The following KANK1 variants were observed in gnomAD, a reference collection of about 807,000 sequenced individuals.
KANK1 encodes KN motif and ankyrin repeat domains 1.
KANK1 carries 109 observed loss-of-function variants against 106.2 expected under a neutral mutation model. That is an observed-to-expected ratio of 1.03 (90% CI 0.88 to 1.20). KANK1 has a LOEUF of 1.20. Ranked by LOEUF, KANK1 falls within the 50% of genes most tolerant of loss-of-function variation. The pLI is 0.00. For synonymous variants in KANK1, 873 were observed against 652.2 expected, an observed-to-expected ratio of 1.34 and a Z score of -5.16; for missense variants, 2,399 against 1,710.7, an observed-to-expected ratio of 1.40 and a Z score of -7.10.
At chr9:597,531 C>G (rs1826517631) in intron 1 of KANK1, among the ~76,000 whole-genome samples, 1 of 151,632 alleles carries the variant, frequency 6.6e-6, no homozygotes, top group African/African-American at 2.4e-5. Context: ...CTGTTGAAGT[C>G]CTTTGCCCAT....
intron 1 of KANK1, among the ~76,000 whole-genome samples, chr9:623,852 T>C (rs1192175527): frequency 2.0e-5 from 3 of 151,918 alleles, no homozygotes; most frequent in Non-Finnish European, 4.4e-5. Flanking sequence ...AAATCAACTA[T>C]ATGATCCAGC....
At chr9:537,509 G>T (rs991820755) in intron 1 of KANK1, among the ~76,000 whole-genome samples, 2 of 152,136 alleles carry the variant, frequency 1.3e-5, no homozygotes, top group Non-Finnish European at 2.9e-5. Flanking sequence ...AAGTAATTTG[G>T]GGGGGCTCTT....
At chr9:701,783 G>C (rs983021538) in intron 2 of KANK1, among the ~76,000 whole-genome samples, 7 of 152,130 alleles carry the variant, frequency 4.6e-5, no homozygotes, top group Admixed American at 1.3e-4. Context: ...CTTCTTCCTG[G>C]TGAGTACGTT....
intron 3 of KANK1, among the ~76,000 whole-genome samples, chr9:728,294 T>TTCGAGCCATTCTCCTGCC (rs1326131380): frequency 6.6e-6 from 1 of 151,858 alleles, no homozygotes; most frequent in Non-Finnish European, 1.5e-5. Flanking sequence ...CACCTCCGGG[T>TTCGAGCCATTCTCCTGCC]TCGAGCCATT....
intron 1 of KANK1, among the ~76,000 whole-genome samples, chr9:568,404 C>T (rs1818335586): frequency 6.6e-6 from 1 of 152,090 alleles, no homozygotes. Flanking sequence ...GAAATTTTTA[C>T]AGTAGTGAGG....
upstream of KANK1, among the ~76,000 whole-genome samples, chr9:503,595 G>T (rs777233300): frequency 3.3e-5 from 5 of 152,202 alleles, no homozygotes; most frequent in Non-Finnish European, 7.3e-5. Flanking sequence ...GTAACGCCCT[G>T]CTGGATGTGT....
At chr9:479,293 A>G (rs563844891) in intron 3 of KANK1, among the ~76,000 whole-genome samples, 4 of 152,166 alleles carry the variant, frequency 2.6e-5, no homozygotes, top group Non-Finnish European at 5.9e-5. Context: ...TTCCAACTCA[A>G]CTGAAGAAAA....
At chr9:642,004 C>G (rs1036453045) in intron 1 of KANK1, among the ~76,000 whole-genome samples, 1 of 152,118 alleles carries the variant, frequency 6.6e-6, no homozygotes, top group African/African-American at 2.4e-5. Flanking sequence ...CACCACACAC[C>G]CCCCAGCACT....
chr9:714,582 T>A (rs1827178656), intron 3 of KANK1, among the ~76,000 whole-genome samples: 1 of 152,038 alleles, frequency 6.6e-6, no homozygotes, highest in African/African-American at 2.4e-5. Flanking sequence ...GATCTTGAAC[T>A]CCTGACCTCA....
At position 579,578 on chromosome 9, in the gene KANK1, C is replaced by T. The variant is rs183511430; in HGVS notation, c.-84+74824C>T. Among the ~76,000 whole-genome samples, 66 of 152,168 alleles carry T rather than the reference C, an allele frequency of 4.3e-4. No individual in the cohort carries two copies. In the Middle Eastern group the frequency reaches 0.014, roughly 31 times the overall value. On this transcript the variant is annotated intron_variant, in intron 1 of 11. Transcript: ENST00000382297. ...CAGCTCCTCAGCCCCAATTTTAAAACCCTAGGGGAGAAGCATCTTCTCAGC... is the reference window on the plus strand; with the variant it reads ...CAGCTCCTCAGCCCCAATTTTAAAATCCTAGGGGAGAAGCATCTTCTCAGC...
At chr9:635,034 C>G (rs753508211) in intron 1 of KANK1, among the ~76,000 whole-genome samples, 17 of 152,166 alleles carry the variant, frequency 1.1e-4, no homozygotes, top group Non-Finnish European at 2.1e-4. Flanking sequence ...TTACATTTCA[C>G]TGACCAAAAA....
intron 1 of KANK1, among the ~76,000 whole-genome samples, chr9:578,906 G>A (rs1376856610): frequency 1.3e-5 from 2 of 152,176 alleles, no homozygotes; most frequent in Non-Finnish European, 2.9e-5. Flanking sequence ...GCTTATCCAT[G>A]GGGAGGGGAT....
chr9:677,895 T>C (rs537068750), intron 2 of KANK1, among the ~76,000 whole-genome samples: 43 of 152,334 alleles, frequency 2.8e-4, no homozygotes, highest in Middle Eastern at 3.4e-3. Flanking sequence ...TGGGCAGGGC[T>C]ATTTCTCCAC....
At chr9:518,400 G>A (rs113764331) in intron 1 of KANK1, among the ~76,000 whole-genome samples, 10,550 of 146,232 alleles carry the variant, frequency 0.072, 1,465 homozygotes, top group African/African-American at 0.25. Context: ...ACCCCCAGTG[G>A]CCCAGGGCAG....
At chr9:561,792 TCAGTCTTA>T (rs1160390469) in intron 1 of KANK1, among the ~76,000 whole-genome samples, 1 of 152,208 alleles carries the variant, frequency 6.6e-6, no homozygotes, top group African/African-American at 2.4e-5. Context: ...CTTTCACATT[TCAGTCTTA>T]CTATGTAAGT....
At chr9:590,235 A>G (rs1170622783) in intron 1 of KANK1, among the ~76,000 whole-genome samples, 3 of 152,192 alleles carry the variant, frequency 2.0e-5, no homozygotes, top group African/African-American at 7.2e-5. Context: ...CCGAGTAGCA[A>G]TAGTTTTGTT....
At chr9:523,546 A>G (rs570874555) in intron 1 of KANK1, among the ~76,000 whole-genome samples, 16 of 151,772 alleles carry the variant, frequency 1.1e-4, no homozygotes, top group South Asian at 6.2e-4. Flanking sequence ...ATGGGAGGAA[A>G]AGTTTTTACA....
chr9:522,233 T>G (rs2059586030), intron 1 of KANK1, among the ~76,000 whole-genome samples: 1 of 151,812 alleles, frequency 6.6e-6, no homozygotes, highest in Non-Finnish European at 1.5e-5. Flanking sequence ...CTGAATTTAT[T>G]TATTTTTAAA....
At chr9:646,693 CTT>C (rs36028136) in intron 1 of KANK1, among the ~76,000 whole-genome samples, 13 of 138,582 alleles carry the variant, frequency 9.4e-5, no homozygotes, top group Non-Finnish European at 1.1e-4. Flanking sequence ...TTTTAAGTAT[CTT>C]TTTTTTTTTT....
Sources: gnomAD v4.1 joint callset for allele counts (sites outside exome capture counted in the v4.1 genomes callset) on GRCh38, gnomAD v4.1.1 for gene constraint, MANE v1.5 for transcripts, NCBI Gene and HGNC (gene_info 2026-07-23, HGNC 2026-07-21) for gene names.